SMAD4: variants seen among roughly 807,000 people sequenced by gnomAD.
SMAD4 encodes the protein SMAD family member 4, also known as MAD homolog 4.
In SMAD4, 7 loss-of-function variants were observed where a neutral mutation model predicts 63.2. The ratio of observed to expected loss-of-function variants is 0.11; its 90% CI spans 0.06 to 0.21. SMAD4 has a LOEUF of 0.21. SMAD4 is among the 10% of genes least tolerant of loss of function. The probability of loss-of-function intolerance (pLI) is 1.00; values close to 1 mark genes in which losing one functional copy is unlikely to be tolerated. For missense variants in SMAD4, 312 were observed against 693.8 expected, an observed-to-expected ratio of 0.45 and a Z score of 6.18; for synonymous variants, 215 against 235.4, an observed-to-expected ratio of 0.91 and a Z score of 0.79.
At chr18:51,066,297 T>G (rs1910148485) in intron 9 of SMAD4, among the ~76,000 whole-genome samples, 2 of 148,132 alleles carry the variant, frequency 1.4e-5, no homozygotes, top group Admixed American at 1.4e-4. Flanking sequence ...TGAGCTGAGA[T>G]CGTGCCACTG....
At chr18:51,063,604 G>T (rs976369369) in intron 8 of SMAD4, among the ~76,000 whole-genome samples, 1 of 151,934 alleles carries the variant, frequency 6.6e-6, no homozygotes, top group Non-Finnish European at 1.5e-5. Flanking sequence ...GTAGAGACGC[G>T]GTTTCACCAT....
intron 1 of SMAD4, among the ~76,000 whole-genome samples, chr18:51,034,289 C>G (rs991125261): frequency 1.3e-5 from 2 of 151,278 alleles, no homozygotes; most frequent in Non-Finnish European, 2.9e-5. Context: ...TCTTGTCACC[C>G]AGGCTAGAGT....
chr18:51,037,668 G>A (rs904910507), intron 1 of SMAD4, among the ~76,000 whole-genome samples: 1 of 152,218 alleles, frequency 6.6e-6, no homozygotes, highest in African/African-American at 2.4e-5. Context: ...GAAGTACAGT[G>A]TTCTTTTCTA....
chr18:51,041,582 T>A (rs1361414570), intron 1 of SMAD4, among the ~76,000 whole-genome samples: 1 of 152,202 alleles, frequency 6.6e-6, no homozygotes, highest in African/African-American at 2.4e-5. Flanking sequence ...TTGCCAAGTG[T>A]CCCCTGAGGG....
At chr18:51,050,646 G>A (rs985547499) in intron 4 of SMAD4, among the ~76,000 whole-genome samples, 5 of 148,686 alleles carry the variant, frequency 3.4e-5, no homozygotes, top group African/African-American at 1.0e-4. Context: ...TTGACAAAGC[G>A]AGACTCTGTC....
In SMAD4 at chr18:51,082,116, C is replaced by T. The variant is rs780147709; in HGVS notation, c.*3649C>T. 8.7e-6 allele frequency: 2 copies of T among 229,470 alleles called. No individual in the cohort carries two copies. Among genetic ancestry groups the T allele is most frequent in the Non-Finnish European group, 1.7e-5 (2 of 115,906 alleles). The allele number at this position is 229,470 out of a possible 1,614,324, so 14.2% of individuals were successfully genotyped here. On this transcript the variant is annotated 3_prime_UTR_variant, in exon 12 of 12. Coordinates refer to ENST00000342988, the MANE Select transcript of SMAD4 (RefSeq NM_005359.6). ...TAATGATAGCAGATTGGGAAAATGG[C>T]AAATTTAGGTTACGGAGGTAAATGA...
At chr18:51,074,212 C>CAAAAAA (rs533055652) in intron 10 of SMAD4, among the ~76,000 whole-genome samples, 1 of 88,118 alleles carries the variant, frequency 1.1e-5, no homozygotes. Flanking sequence ...TCATCTCTAC[C>CAAAAAA]AAAAAAAAAA....
chr18:51,081,553 A>T lies in SMAD4; in HGVS notation c.*3086A>T. On this transcript the variant is annotated 3_prime_UTR_variant, in exon 12 of 12. Coordinates refer to ENST00000342988, the MANE Select transcript of SMAD4 (RefSeq NM_005359.6). ...GTTGCCTATACCATTCCTCCTGTGA[A>T]CAGTGCAGATTTACAGGTTGCATGG... The T allele has an allele frequency of 4.3e-6, 1 of 232,286 alleles. No individual in the cohort carries two copies. The highest frequency in any genetic ancestry group is 6.1e-5 in the East Asian group (1 of 16,416). The allele number at this position is 232,286 out of a possible 1,614,324, so 14.4% of individuals were successfully genotyped here.
chr18:51,063,827 T>C (rs896244178), intron 8 of SMAD4, among the ~76,000 whole-genome samples: 1 of 152,212 alleles, frequency 6.6e-6, no homozygotes, highest in African/African-American at 2.4e-5. Flanking sequence ...TGTAAACAAA[T>C]ATTTATCTTT....
At chr18:51,058,069 A>AAATC in intron 5 of SMAD4, 56 bp from the exon 6 acceptor site, 1 of 1,605,318 alleles carries the variant, frequency 6.2e-7, no homozygotes, top group Non-Finnish European at 8.5e-7. Context: ...TTAGTATATG[A>AAATC]AATCATAAGA....
intron 7 of SMAD4, among the ~76,000 whole-genome samples, chr18:51,059,025 A>C (rs1381989389): frequency 6.6e-6 from 1 of 152,194 alleles, no homozygotes; most frequent in East Asian, 1.9e-4. Flanking sequence ...ACCAAAGAAA[A>C]CTTAGAAAAT....
intron 4 of SMAD4, 135 bp from the exon 5 acceptor site, chr18:51,054,646 A>G (rs1909791020): frequency 1.5e-6 from 1 of 650,124 alleles, no homozygotes; most frequent in African/African-American, 1.8e-5. Flanking sequence ...AAATAATATG[A>G]AAAAATTCTG....
intron 1 of SMAD4, among the ~76,000 whole-genome samples, chr18:51,035,736 C>G (rs752173282): frequency 9.2e-5 from 14 of 152,172 alleles, no homozygotes; most frequent in Non-Finnish European, 1.9e-4. Context: ...TAGAGATCAT[C>G]TAGGGCATGT....
intron 4 of SMAD4, chr18:51,051,177 T>G (rs1909700877): frequency 3.4e-6 from 1 of 295,894 alleles, no homozygotes; most frequent in South Asian, 3.1e-5. Context: ...GTGAGGGGGT[T>G]CAAATTCTGA....
At position 51,082,066 on chromosome 18, in the gene SMAD4, T is replaced by C. The variant is rs868641307; in HGVS notation, c.*3599T>C. The C allele has an allele frequency of 8.7e-6, 2 of 230,542 alleles. No individual in the cohort carries two copies. Among genetic ancestry groups the C allele is most frequent in the African/African-American group, 4.4e-5 (2 of 45,210 alleles). 14.3% of individuals were successfully genotyped at this position (230,542 alleles called of 1,614,324 possible). On this transcript the variant is annotated 3_prime_UTR_variant, in exon 12 of 12. Transcript: ENST00000342988. ...AATTTCTAGTTTGCTCCCTTCGTTA[T>C]TGCCAACTTTACTGGCATTTTATTT...
At chr18:51,064,727 T>C (rs1910104127) in intron 8 of SMAD4, among the ~76,000 whole-genome samples, 1 of 152,202 alleles carries the variant, frequency 6.6e-6, no homozygotes, top group Non-Finnish European at 1.5e-5. Context: ...AAAGTTAAAA[T>C]TGTGGTAGTT....
chr18:51,082,069 C>T lies in SMAD4; in HGVS notation c.*3602C>T. On this transcript the variant is annotated 3_prime_UTR_variant, in exon 12 of 12. Transcript: ENST00000342988. ...TTCTAGTTTGCTCCCTTCGTTATTG[C>T]CAACTTTACTGGCATTTTATTTAAT... is the stretch of plus-strand genomic sequence containing the variant. The T allele has an allele frequency of 4.3e-6, 1 of 230,312 alleles. No individual in the cohort carries two copies. The highest frequency in any genetic ancestry group is 8.6e-6 in the Non-Finnish European group (1 of 116,326). 14.3% of individuals were successfully genotyped at this position (230,312 alleles called of 1,614,324 possible). A position where few individuals can be genotyped will look rare whatever the true frequency, so the allele number is the denominator to read the frequency against.
At chr18:51,077,664 C>T (rs1209389634) in intron 11 of SMAD4, among the ~76,000 whole-genome samples, 2 of 151,992 alleles carry the variant, frequency 1.3e-5, no homozygotes, top group Non-Finnish European at 2.9e-5. Context: ...GGGGTGATAC[C>T]ATTAATTTGC....
intron 1 of SMAD4, among the ~76,000 whole-genome samples, chr18:51,038,156 G>A (rs956079492): frequency 6.6e-6 from 1 of 151,824 alleles, no homozygotes; most frequent in Non-Finnish European, 1.5e-5. Flanking sequence ...GCTCAGGAGG[G>A]TGAGGTGAGA....
Sources: gnomAD v4.1 joint callset for allele counts (sites outside exome capture counted in the v4.1 genomes callset) on GRCh38, gnomAD v4.1.1 for gene constraint, MANE v1.5 for transcripts, NCBI Gene and HGNC (gene_info 2026-07-23, HGNC 2026-07-21) for gene names.